JARID2: variants seen among roughly 807,000 people sequenced by gnomAD.
The protein encoded by JARID2 is jumonji and AT-rich interaction domain containing 2, also known as protein Jumonji.
Under a neutral mutation model 125.6 loss-of-function variants are expected in JARID2, and 21 were observed. That is an observed-to-expected ratio of 0.17 (90% CI 0.12 to 0.24). JARID2 has a LOEUF of 0.24. Ranked by LOEUF, JARID2 falls within the 10% of genes least tolerant of loss-of-function variation. The pLI is 1.00. For missense variants in JARID2, 1,303 were observed against 1,639.6 expected (o/e 0.79, Z 3.55); for synonymous variants, 736 against 661.6 (o/e 1.11, Z -1.73).
chr6:15,457,969 G>A (rs907285496), intron 4 of JARID2, among the ~76,000 whole-genome samples: 3 of 152,180 alleles, frequency 2.0e-5, no homozygotes, highest in Admixed American at 2.0e-4. Flanking sequence ...AGGATGGGAT[G>A]AATAGTGCAG....
intron 7 of JARID2, 33 bp downstream of exon 7, chr6:15,497,203 C>T (rs1223979021): frequency 6.9e-7 from 1 of 1,446,718 alleles, no homozygotes. Flanking sequence ...GGGGTGGTGC[C>T]TGCCCTCCTG....
intron 1 of JARID2, among the ~76,000 whole-genome samples, chr6:15,327,555 G>A (rs1204440175): frequency 1.5e-5 from 2 of 133,246 alleles, no homozygotes; most frequent in South Asian, 2.6e-4. Context: ...GTGTGTGCGC[G>A]TGTGTGTGCG....
intron 1 of JARID2, among the ~76,000 whole-genome samples, chr6:15,320,750 G>A (rs1033317176): frequency 6.6e-6 from 1 of 151,864 alleles, no homozygotes; most frequent in Non-Finnish European, 1.5e-5. Context: ...TAAGCATATG[G>A]CCTCTAATTC....
At chr6:15,466,629 G>A (rs994827705) in intron 4 of JARID2, among the ~76,000 whole-genome samples, 4 of 152,246 alleles carry the variant, frequency 2.6e-5, no homozygotes, top group African/African-American at 7.2e-5. Context: ...TAGGGAAGAG[G>A]GATCAACAAC....
intron 1 of JARID2, among the ~76,000 whole-genome samples, chr6:15,349,592 T>C (rs1763357584): frequency 6.6e-6 from 1 of 152,174 alleles, no homozygotes; most frequent in Non-Finnish European, 1.5e-5. Context: ...CTGATGGCTT[T>C]TGACTCATCA....
chr6:15,325,663 A>G (rs1480912767), intron 1 of JARID2, among the ~76,000 whole-genome samples: 1 of 152,222 alleles, frequency 6.6e-6, no homozygotes, highest in East Asian at 1.9e-4. Context: ...TTACCGCCAT[A>G]GACTTTGCTC....
intron 5 of JARID2, among the ~76,000 whole-genome samples, chr6:15,472,417 A>T (rs1360211797): frequency 6.6e-6 from 1 of 152,192 alleles, no homozygotes; most frequent in African/African-American, 2.4e-5. Flanking sequence ...TGAGACTTGT[A>T]GATAACCAAA....
At chr6:15,401,898 GTTTTTT>G (rs34203284) in intron 2 of JARID2, among the ~76,000 whole-genome samples, 2 of 126,492 alleles carry the variant, frequency 1.6e-5, no homozygotes, top group Non-Finnish European at 3.3e-5. Flanking sequence ...GTTGTCAGCA[GTTTTTT>G]TTTTTTTTTT....
At chr6:15,382,092 G>T (rs947875018) in intron 2 of JARID2, among the ~76,000 whole-genome samples, 5 of 152,054 alleles carry the variant, frequency 3.3e-5, no homozygotes, top group African/African-American at 1.2e-4. Context: ...GTGAAACCCC[G>T]TCTCCACTAA....
At chr6:15,355,014 T>G (rs1349745574) in intron 1 of JARID2, among the ~76,000 whole-genome samples, 1 of 152,152 alleles carries the variant, frequency 6.6e-6, no homozygotes, top group African/African-American at 2.4e-5. Flanking sequence ...TAATTGAAAG[T>G]CCAGAAGAAT....
chr6:15,374,551 A>G (rs1205690443), intron 2 of JARID2, among the ~76,000 whole-genome samples: 1 of 152,194 alleles, frequency 6.6e-6, no homozygotes, highest in African/African-American at 2.4e-5. Flanking sequence ...GAACTCTTTG[A>G]TGATCTTGCT....
At chr6:15,478,112 T>C (rs75025787) in intron 5 of JARID2, among the ~76,000 whole-genome samples, 1,699 of 152,326 alleles carry the variant, frequency 0.011, 18 homozygotes, top group African/African-American at 0.026. Context: ...AGGCACACAC[T>C]TCGGGATAGT....
intron 16 of JARID2, 101 bp downstream of exon 16, chr6:15,513,523 C>T: frequency 1.7e-6 from 2 of 1,147,558 alleles, no homozygotes; most frequent in Non-Finnish European, 1.2e-6. Context: ...GCCCAGGAGA[C>T]CTGCTGTGCT....
rs1458311604 is a variant in JARID2 at position 15,327,422 on chromosome 6, C to T, written c.46-46695C>T. Among the ~76,000 whole-genome samples, 3 of 152,204 alleles carry T rather than the reference C, an allele frequency of 2.0e-5. No homozygotes were observed. The East Asian group carries it at 5.8e-4, about 29-fold the overall frequency. On this transcript the variant is annotated intron_variant, in intron 1 of 17. Coordinates refer to ENST00000341776, the MANE Select transcript of JARID2 (RefSeq NM_004973.4). Reference sequence around the variant, plus strand: ...ATAACTCTGCAGTATGTGTAACATTCAGCATACTTGGTGAGGCCACGAGGG... The same window carrying T: ...ATAACTCTGCAGTATGTGTAACATTTAGCATACTTGGTGAGGCCACGAGGG...
chr6:15,519,060 G>A (rs1771700256), intron 17 of JARID2, among the ~76,000 whole-genome samples: 1 of 152,172 alleles, frequency 6.6e-6, no homozygotes, highest in African/African-American at 2.4e-5. Flanking sequence ...GTGTTGGGCC[G>A]CCTGCCGCCG....
At chr6:15,327,017 T>G (rs1762553745) in intron 1 of JARID2, among the ~76,000 whole-genome samples, 1 of 152,206 alleles carries the variant, frequency 6.6e-6, no homozygotes, top group South Asian at 2.1e-4. Flanking sequence ...GGTCACTTGT[T>G]CCAAGTGCCA....
At chr6:15,399,089 G>A (rs1453804671) in intron 2 of JARID2, among the ~76,000 whole-genome samples, 2 of 152,142 alleles carry the variant, frequency 1.3e-5, no homozygotes, top group African/African-American at 4.8e-5. Context: ...TATGACTTAC[G>A]CTGTAGTGGG....
intron 3 of JARID2, among the ~76,000 whole-genome samples, chr6:15,433,872 T>A (rs1767078763): frequency 6.6e-6 from 1 of 151,926 alleles, no homozygotes; most frequent in African/African-American, 2.4e-5. Context: ...CCCTGTTTTT[T>A]AAATTCTTTT....
intron 2 of JARID2, among the ~76,000 whole-genome samples, chr6:15,374,667 T>TC (rs1234109511): frequency 6.6e-6 from 1 of 152,222 alleles, no homozygotes; most frequent in Non-Finnish European, 1.5e-5. Flanking sequence ...TTCTCATCTC[T>TC]CCTTCCTTCC....
Sources: allele counts gnomAD v4.1 joint callset (sites outside exome capture counted in the v4.1 genomes callset), GRCh38; gene constraint gnomAD v4.1.1; transcripts MANE v1.5; gene names NCBI Gene and HGNC (gene_info 2026-07-23, HGNC 2026-07-21).